VPS13A: variants seen among roughly 807,000 people sequenced by gnomAD.
The protein encoded by VPS13A is vacuolar protein sorting 13 homolog A.
VPS13A carries 264 observed loss-of-function variants against 390.9 expected under a neutral mutation model. The ratio of observed to expected loss-of-function variants is 0.68; its 90% confidence interval spans 0.61 to 0.75. The LOEUF (loss-of-function observed/expected upper bound fraction) is 0.75, where lower values mean the gene tolerates loss of function less well. VPS13A is among the 30% of genes least tolerant of loss of function. VPS13A has a pLI of 0.00. For missense variants in VPS13A, 3,409 were observed against 3,733.9 expected (o/e 0.91, Z 2.27); for synonymous variants, 1,231 against 1,227.1 (o/e 1.00, Z -0.07).
chr9:77,339,959 C>T, intron 48 of VPS13A, 48 bp downstream of exon 48: 1 of 1,589,376 alleles, frequency 6.3e-7, no homozygotes, highest in South Asian at 1.1e-5. Flanking sequence ...CTACTTGTCA[C>T]TTTTTAGTTT....
intron 53 of VPS13A, among the ~76,000 whole-genome samples, chr9:77,352,528 A>G (rs2131543729): frequency 6.6e-6 from 1 of 152,278 alleles, no homozygotes; most frequent in East Asian, 1.9e-4. Context: ...ACTTTGATAT[A>G]AAAAGTCTTA....
At chr9:77,330,152 A>T (rs1283676720) in intron 45 of VPS13A, among the ~76,000 whole-genome samples, 1 of 151,470 alleles carries the variant, frequency 6.6e-6, no homozygotes, top group Non-Finnish European at 1.5e-5. Context: ...AGTAGCTCGG[A>T]CTACATGTCT....
chr9:77,267,541 T>G (rs1300419147), intron 23 of VPS13A, among the ~76,000 whole-genome samples: 1 of 152,218 alleles, frequency 6.6e-6, no homozygotes, highest in African/African-American at 2.4e-5. Flanking sequence ...CTCTGGAAGC[T>G]TCGTCCCAGA....
Position 77,339,508 on chromosome 9 carries a change from T to TTA in VPS13A, c.6379-8_6379-7insTA. On this transcript the variant is annotated splice_region_variant and splice_polypyrimidine_tract_variant and intron_variant, in intron 47 of 71. Coordinates refer to ENST00000360280, the MANE Select transcript of VPS13A (RefSeq NM_033305.3). ...AATTTTGTTTTGTTTTTTTTTTTTT[T>TTA]ATTACAGGGAATTGAAAATTCGGTT... The TTA allele has an allele frequency of 6.5e-7, 1 of 1,530,686 alleles. No individual in the cohort carries two copies. The highest frequency in any genetic ancestry group is 8.8e-7 in the Non-Finnish European group (1 of 1,139,084). 94.8% of individuals were successfully genotyped at this position (1,530,686 alleles called of 1,614,324 possible).
rs1027611001 is a variant in VPS13A at position 77,332,088 on chromosome 9, T to C, written c.6070T>C (p.Phe2024Leu). Residue 2024 changes from phenylalanine to leucine, a missense_variant, in exon 46 of 72, where the codon TTC becomes CTC. Phe to Leu is a conservative substitution (Grantham distance 22). Around this residue, in one of 5 missense-constraint regions of VPS13A, gnomAD observed 2,717 missense variants for 2,917.4 expected, o/e 0.93. Coordinates refer to ENST00000360280, the MANE Select transcript of VPS13A (RefSeq NM_033305.3). ...GGGAACTGCCTCACCTGAAAATGAA[T>C]TCAACATACCATTAGGATCTTACCG... The part of the protein sequence containing the change: ...LLGTASPENE[F>L]NIPLGSYRSF... 4.3e-6 allele frequency: 7 copies of C among 1,611,320 alleles called. No homozygotes were observed. The African/African-American group carries it at 9.4e-5, about 22-fold the overall frequency.
chr9:77,281,628 A>G (rs750347362), intron 27 of VPS13A, among the ~76,000 whole-genome samples: 2 of 152,146 alleles, frequency 1.3e-5, no homozygotes, highest in South Asian at 4.1e-4. Flanking sequence ...GAATGATAGT[A>G]CGTAACATTT....
intron 1 of VPS13A, among the ~76,000 whole-genome samples, chr9:77,185,826 A>G (rs1824298125): frequency 6.6e-6 from 1 of 152,172 alleles, no homozygotes; most frequent in South Asian, 2.1e-4. Context: ...GTCCAAGTCC[A>G]CGTCCAAATA....
chr9:77,309,208 A>G (rs980255521), intron 35 of VPS13A, among the ~76,000 whole-genome samples: 5 of 152,208 alleles, frequency 3.3e-5, no homozygotes, highest in African/African-American at 1.2e-4. Flanking sequence ...TGAAAATTTG[A>G]AACAAAAACA....
Position 77,314,496 on chromosome 9 carries a change from C to G in VPS13A, c.4244C>G (p.Ala1415Gly). The change falls in exon 37 of 72, where the codon GCT (alanine) becomes GGT (glycine). Residue 1415 changes from alanine to glycine, a missense_variant and splice_region_variant. This residue lies in a region of VPS13A where 2,717 missense variants were observed against 2,917.4 expected (regional missense o/e 0.93). Transcript: ENST00000360280. ...MVLYSPGPKQASFTDVRDPSL... is the reference protein window; with the variant it reads ...MVLYSPGPKQGSFTDVRDPSL... Reference sequence around the variant, plus strand: ...TTGTGTTGGTTTCTCCTTTCATAGGCTTCCTTTACAGATGTTCGTGATCCT... The same window carrying G: ...TTGTGTTGGTTTCTCCTTTCATAGGGTTCCTTTACAGATGTTCGTGATCCT... 6.2e-7 allele frequency: 1 copy of G among 1,611,560 alleles called. No individual in the cohort carries two copies. The highest frequency in any genetic ancestry group is 8.5e-7 in the Non-Finnish European group (1 of 1,179,036).
Position 77,353,475 on chromosome 9 carries a change from C to T in VPS13A, c.7486C>T (p.Gln2496Ter), listed in dbSNP as rs1191270963. ...TTTAGTTTCATTCTTTGAAGGTTTA[C>T]AACGCATTATTTTATTCACTGAAGA... The part of the protein sequence containing the change: ...IYLVSFFEGL[Q>*]RIILFTEDPR... Residue 2496 changes from glutamine (Q) to a stop codon, truncating the protein, a stop_gained, in exon 54 of 72, where the codon CAA (glutamine) becomes TAA (stop). Transcript: ENST00000360280. LOFTEE classifies it high-confidence loss of function. The T allele has an allele frequency of 1.9e-6, 3 of 1,604,232 alleles. No individual in the cohort carries two copies. The highest frequency in any genetic ancestry group is 2.6e-6 in the Non-Finnish European group (3 of 1,174,904).
In VPS13A at chr9:77,419,207, T is replaced by C. The variant is rs116479879; in HGVS notation, c.*3201T>C. 231 of 152,288 alleles carry C rather than the reference T, an allele frequency of 1.5e-3. No homozygotes were observed. The highest frequency in any genetic ancestry group is 5.4e-3 in the African/African-American group (224 of 41,544). The allele number at this position is 152,288 out of a possible 1,614,324, so 9.4% of individuals were successfully genotyped here. On this transcript the variant is annotated 3_prime_UTR_variant, in exon 72 of 72. Coordinates refer to ENST00000360280, the MANE Select transcript of VPS13A (RefSeq NM_033305.3). ...TCAGGGATGCTGTTTTTCCACACTG[T>C]AAGTCCTAACTCATTAGTGGGTCAT...
At chr9:77,278,666 G>A (rs920360350) in intron 26 of VPS13A, among the ~76,000 whole-genome samples, 1 of 152,136 alleles carries the variant, frequency 6.6e-6, no homozygotes, top group Non-Finnish European at 1.5e-5. Context: ...ATTAGGTTTG[G>A]AGAACTCTGT....
chr9:77,282,513 T>C (rs929372863), intron 29 of VPS13A, among the ~76,000 whole-genome samples: 1 of 152,152 alleles, frequency 6.6e-6, no homozygotes, highest in Non-Finnish European at 1.5e-5. Context: ...TTTAAGATTA[T>C]ATAGTAGGAG....
At chr9:77,210,160 C>CCTCTCTCTCTCT (rs150244384) in intron 6 of VPS13A, among the ~76,000 whole-genome samples, 19 of 107,510 alleles carry the variant, frequency 1.8e-4, no homozygotes, top group East Asian at 3.1e-4. Flanking sequence ...CCCCCACCTC[C>CCTCTCTCTCTCT]CTCTCTCTCT....
chr9:77,371,370 A>G (rs1229691764), intron 67 of VPS13A, among the ~76,000 whole-genome samples: 4 of 152,164 alleles, frequency 2.6e-5, no homozygotes, highest in Non-Finnish European at 5.9e-5. Flanking sequence ...ACATCTGGCT[A>G]GGGCCTTTTT....
intron 19 of VPS13A, among the ~76,000 whole-genome samples, chr9:77,239,314 C>T (rs973457071): frequency 8.6e-5 from 13 of 151,576 alleles, no homozygotes; most frequent in Admixed American, 4.6e-4. Context: ...ATAATAGAGA[C>T]GGGGTTTTAA....
chr9:77,318,536 G>A lies in VPS13A; in HGVS notation c.5258G>A (p.Gly1753Glu), dbSNP rs1402588886. Residue 1753 changes from glycine to glutamate, a missense_variant, in exon 41 of 72, where the codon GGG becomes GAG. Physicochemically the swap from Gly to Glu is moderately conservative, Grantham distance 98. Transcript: ENST00000360280. The part of the protein sequence containing the change: ...PMLLAKSRFS[G>E]EGKNWSSLIN... ...CTTCTGGCAAAGTCACGTTTTTCAG[G>A]GGAAGGCAAAAACTGGAGTTCCCTA... The A allele has an allele frequency of 6.2e-7, 1 of 1,613,760 alleles. No homozygotes were observed. The highest frequency in any genetic ancestry group is 2.2e-5 in the East Asian group (1 of 44,848).
chr9:77,404,287 G>C (rs1187646302), intron 69 of VPS13A, among the ~76,000 whole-genome samples: 2 of 152,086 alleles, frequency 1.3e-5, no homozygotes, highest in African/African-American at 4.8e-5. Context: ...TTTTAATGTA[G>C]ATGAAATTCT....
intron 23 of VPS13A, among the ~76,000 whole-genome samples, chr9:77,271,597 A>G (rs1826356721): frequency 6.6e-6 from 1 of 152,168 alleles, no homozygotes; most frequent in Non-Finnish European, 1.5e-5. Context: ...GAAAAATAGT[A>G]TATTCATACA....
Sources: gnomAD v4.1 joint callset for allele counts (sites outside exome capture counted in the v4.1 genomes callset) on GRCh38, gnomAD v4.1.1 for gene constraint, gnomAD v4.1.1 regional missense constraint, MANE v1.5 for transcripts, NCBI Gene and HGNC (gene_info 2026-07-23, HGNC 2026-07-21) for gene names.